HELB: variants seen among roughly 807,000 people sequenced by gnomAD.
HELB encodes the protein DNA helicase B, also known as DNA 5'-3' helicase B.
In HELB, 96 loss-of-function variants were observed where a neutral mutation model predicts 101.7. The observed-to-expected ratio is 0.94, with a 90% CI of 0.80 to 1.12. The LOEUF (loss-of-function observed/expected upper bound fraction) is 1.12. Among genes scored for constraint, HELB ranks in the 50% most tolerant of loss-of-function variants. HELB has a pLI of 0.00. For missense variants in HELB, 1,210 were observed against 1,291.9 expected (o/e 0.94, Z 0.97); for synonymous variants, 437 against 459.7 (o/e 0.95, Z 0.63).
At chr12:66,333,895 C>T (rs1395720232) in intron 12 of HELB, among the ~76,000 whole-genome samples, 1 of 152,006 alleles carries the variant, frequency 6.6e-6, no homozygotes, top group Non-Finnish European at 1.5e-5. Context: ...CATGGTGGCT[C>T]ATACCTGTAA....
intron 11 of HELB, among the ~76,000 whole-genome samples, 198 bp downstream of exon 11, chr12:66,325,324 A>G (rs1427537095): frequency 2.0e-5 from 3 of 152,122 alleles, no homozygotes; most frequent in African/African-American, 7.2e-5. Context: ...TTTAGAAACA[A>G]AGGCATTATA....
intron 11 of HELB, among the ~76,000 whole-genome samples, chr12:66,330,567 A>G (rs1004154607): frequency 1.5e-4 from 22 of 148,946 alleles, no homozygotes; most frequent in Admixed American, 3.3e-4. Context: ...ATCTGTCTAT[A>G]TATATATATA....
At chr12:66,331,960 A>T (rs2053815165) in intron 12 of HELB, among the ~76,000 whole-genome samples, 1 of 152,122 alleles carries the variant, frequency 6.6e-6, no homozygotes, top group South Asian at 2.1e-4. Context: ...CAAAGTTTTG[A>T]CTATAGTAAC....
intron 6 of HELB, among the ~76,000 whole-genome samples, chr12:66,317,562 C>T (rs562406697): frequency 1.8e-4 from 27 of 152,308 alleles, no homozygotes; most frequent in African/African-American, 6.5e-4. Flanking sequence ...AGCATATTAG[C>T]TTTCTCAGAA....
chr12:66,332,762 G>C (rs150773342), intron 12 of HELB, among the ~76,000 whole-genome samples: 2 of 152,316 alleles, frequency 1.3e-5, no homozygotes, highest in South Asian at 4.1e-4. Context: ...TCAGGTGTCC[G>C]TTAAGATTCA....
At chr12:66,334,315 A>T (rs983938903) in intron 12 of HELB, among the ~76,000 whole-genome samples, 1 of 152,048 alleles carries the variant, frequency 6.6e-6, no homozygotes, top group Admixed American at 6.6e-5. Flanking sequence ...GTAAAAAATT[A>T]GCTGAACTTG....
intron 12 of HELB, 56 bp from the exon 13 acceptor site, chr12:66,337,945 G>A: frequency 1.0e-6 from 1 of 990,350 alleles, no homozygotes; most frequent in Admixed American, 1.8e-5. Flanking sequence ...AAGTACGTAG[G>A]GTAGACTAAC....
chr12:66,304,718 TG>T lies in HELB; in HGVS notation c.188-12del, dbSNP rs759855804. On this transcript the variant is annotated splice_polypyrimidine_tract_variant and intron_variant, in intron 1 of 12. Transcript: ENST00000247815. ...GAGTTAACTTTTGTGGGTTTTTGTTTGTTTTTTTTTAGTTTCTATTTGTGAT... is the reference window on the plus strand; with the variant it reads ...GAGTTAACTTTTGTGGGTTTTTGTTTTTTTTTTTTAGTTTCTATTTGTGAT... The T allele has an allele frequency of 1.8e-5, 28 of 1,568,620 alleles. No individual in the cohort carries two copies. In the South Asian group the frequency reaches 3.1e-4, roughly 17 times the overall value.
Position 66,302,723 on chromosome 12 carries a change from G to A in HELB, c.120G>A (p.Val40=). 6.2e-7 allele frequency: 1 copy of A among 1,614,092 alleles called. No homozygotes were observed. The highest frequency in any genetic ancestry group is 8.5e-7 in the Non-Finnish European group (1 of 1,179,986). The change falls in exon 1 of 13, where the codon GTG becomes GTA. Residue 40 remains valine (V), a synonymous_variant. Transcript: ENST00000247815. ...ACGTGGAGGAGGATGAAGAGTCCGT[G>A]TTCATCGACGCCGAGGAGCTCTGCA... The part of the protein sequence containing the change: ...NDDVEEDEES[V]FIDAEELCSG...
downstream of HELB, chr12:66,341,253 G>A (rs1053520078): frequency 6.6e-6 from 1 of 152,314 alleles, no homozygotes; most frequent in African/African-American, 2.4e-5. Context: ...AGGAGAGGAA[G>A]TCAAGCATTC....
Position 66,323,984 on chromosome 12 carries a change from G to T in HELB, c.2299G>T (p.Asp767Tyr). ...ATATATTATCATTTTCTATCCCAGA[G>T]ACCATCAGAGTAGACTTGTTTTTGG... ...CKHYTGHLTK[D>Y]HQSRLVFGIG... The change falls in exon 10 of 13, where the codon GAC becomes TAC. Residue 767 changes from aspartate to tyrosine, a missense_variant and splice_region_variant. By Grantham distance (160) the Asp-to-Tyr change is radical (BLOSUM62 -3). Coordinates refer to ENST00000247815, the MANE Select transcript of HELB (RefSeq NM_001370285.1). 1.3e-6 allele frequency: 2 copies of T among 1,597,484 alleles called. No homozygotes were observed. Among genetic ancestry groups the T allele is most frequent in the South Asian group, 2.2e-5 (2 of 90,674 alleles).
intron 12 of HELB, among the ~76,000 whole-genome samples, chr12:66,334,151 G>T (rs1387458447): frequency 6.7e-6 from 1 of 149,860 alleles, no homozygotes; most frequent in South Asian, 2.1e-4. Context: ...CAGAGCAAGA[G>T]CCTGTCTCAA....
In HELB at chr12:66,308,019, A is replaced by G. The variant is rs183872917; in HGVS notation, c.777+1505A>G. On this transcript the variant is annotated intron_variant, in intron 3 of 12. Coordinates refer to ENST00000247815, the MANE Select transcript of HELB (RefSeq NM_001370285.1). ...GTGCTGGGATTACAGGCATGAGCTAACACACCTGGTCTTCTACCTCCTCTA... is the reference window on the plus strand; with the variant it reads ...GTGCTGGGATTACAGGCATGAGCTAGCACACCTGGTCTTCTACCTCCTCTA... Among the ~76,000 whole-genome samples the G allele has an allele frequency of 1.5e-3, 223 of 148,046 alleles. 1 individual carries two copies. Among genetic ancestry groups the G allele is most frequent in the Admixed American group, 1.8e-3 (27 of 14,716 alleles).
chr12:66,342,128 C>T (rs1426380827), downstream of HELB: 4 of 152,130 alleles, frequency 2.6e-5, no homozygotes, highest in African/African-American at 9.7e-5. Context: ...TAATAATTTA[C>T]AAGTTTTGGC....
chr12:66,321,046 C>G (rs1341037789), intron 7 of HELB, among the ~76,000 whole-genome samples: 1 of 152,142 alleles, frequency 6.6e-6, no homozygotes, highest in East Asian at 1.9e-4. Flanking sequence ...TGGCTGTTTT[C>G]TAGCGGTAAT....
rs1448936039 is a variant in HELB at position 66,331,381 on chromosome 12, G to A, written c.2898G>A (p.Pro966=). The stretch of plus-strand genomic sequence containing the variant: ...GCGGCGCACCTCCAGCAGATTTTCC[G>A]TCCCCACGGAAGAGCTCTGGAGACA... ...SSSGAPPADF[P]SPRKSSGDSG... Residue 966 remains proline (P), a synonymous_variant, in exon 12 of 13, where the codon CCG becomes CCA. Coordinates refer to ENST00000247815, the MANE Select transcript of HELB (RefSeq NM_001370285.1). The A allele has an allele frequency of 2.5e-6, 4 of 1,614,174 alleles. No individual in the cohort carries two copies. Among genetic ancestry groups the A allele is most frequent in the African/African-American group, 1.3e-5 (1 of 75,046 alleles).
At chr12:66,309,641 A>C in intron 3 of HELB, 65 bp from the exon 4 acceptor site, 1 of 1,082,276 alleles carries the variant, frequency 9.2e-7, no homozygotes, top group Admixed American at 2.5e-5. Context: ...AAAAATTATT[A>C]ATAAAGAACA....
At chr12:66,302,857 T>C in intron 1 of HELB, 67 bp downstream of exon 1, 1 of 1,422,598 alleles carries the variant, frequency 7.0e-7, no homozygotes. Flanking sequence ...ATTCTGGCTT[T>C]GCCCTGAGCA....
downstream of HELB, chr12:66,338,329 C>T: frequency 2.8e-6 from 1 of 355,502 alleles, no homozygotes; most frequent in Non-Finnish European, 5.0e-6. Flanking sequence ...ATTTTATATA[C>T]ATATATATTT....
Sources: gnomAD v4.1 joint callset for allele counts (sites outside exome capture counted in the v4.1 genomes callset) on GRCh38, gnomAD v4.1.1 for gene constraint, MANE v1.5 for transcripts, NCBI Gene and HGNC (gene_info 2026-07-23, HGNC 2026-07-21) for gene names.